The following EEA1 variants were observed in gnomAD, a reference collection of about 807,000 sequenced individuals.
EEA1 encodes early endosome antigen 1, 162kD.
EEA1 carries 111 observed loss-of-function variants against 209.2 expected under a neutral mutation model. The ratio of observed to expected loss-of-function variants is 0.53; its 90% confidence interval spans 0.45 to 0.62. The LOEUF (loss-of-function observed/expected upper bound fraction) is 0.62, where lower values mean the gene tolerates loss of function less well. EEA1 is among the 20% of genes least tolerant of loss of function. EEA1 has a pLI of 0.00. For missense variants in EEA1, 1,343 were observed against 1,530.8 expected, an observed-to-expected ratio of 0.88 and a Z score of 2.05; for synonymous variants, 536 against 540.6, an observed-to-expected ratio of 0.99 and a Z score of 0.12.
chr12:92,864,167 G>T (rs968928535), intron 3 of EEA1, among the ~76,000 whole-genome samples: 1 of 151,964 alleles, frequency 6.6e-6, no homozygotes, highest in Non-Finnish European at 1.5e-5. Context: ...AGTTTATATG[G>T]TTATCATATT....
Position 92,776,885 on chromosome 12 carries a change from A to C in EEA1, c.4072T>G (p.Cys1358Gly). 1 of 1,611,984 alleles carries C rather than the reference A, an allele frequency of 6.2e-7. No homozygotes were observed. Among genetic ancestry groups the C allele is most frequent in the Non-Finnish European group, 8.5e-7 (1 of 1,178,464 alleles). The change falls in exon 28 of 29, where the codon TGT becomes GGT. Residue 1358 changes from cysteine (C) to glycine (G), a missense_variant. Physicochemically the swap from Cys to Gly is radical, Grantham distance 159 (BLOSUM62 -3). Transcript: ENST00000322349. ...GAAAAGCCTTTCCCACAGGCCATAC[A>C]GTTTTGTACTTCATTGTCTTCGGCC... ...KWAEDNEVQN[C>G]MACGKGFSVT...
intron 1 of EEA1, among the ~76,000 whole-genome samples, chr12:92,924,680 C>T (rs1303549001): frequency 2.0e-5 from 3 of 151,922 alleles, no homozygotes; most frequent in African/African-American, 7.3e-5. Flanking sequence ...TTCTTAACTA[C>T]TAAATTACAT....
At chr12:92,850,551 G>A (rs1005673198) in intron 9 of EEA1, among the ~76,000 whole-genome samples, 12 of 151,792 alleles carry the variant, frequency 7.9e-5, no homozygotes, top group African/African-American at 2.2e-4. Context: ...TTAGCCAAGC[G>A]TGGTGGCAGG....
At chr12:92,884,709 G>C (rs1879307123) in intron 2 of EEA1, 1 of 1,437,414 alleles carries the variant, frequency 7.0e-7, no homozygotes, top group African/African-American at 1.4e-5. Flanking sequence ...TTTTAATTAG[G>C]AAACAAAGCT....
chr12:92,895,242 G>A (rs1775300762), intron 1 of EEA1, among the ~76,000 whole-genome samples: 2 of 139,594 alleles, frequency 1.4e-5, no homozygotes, highest in East Asian at 4.1e-4. Context: ...TGCAAGCTCC[G>A]CCTCCCAAGT....
At position 92,874,158 on chromosome 12, in the gene EEA1, C is replaced by CA. The variant is rs879453094; in HGVS notation, c.118-9172dup. Among the ~76,000 whole-genome samples, 965 of 141,546 alleles carry CA rather than the reference C, an allele frequency of 6.8e-3. 12 individuals are homozygous for CA. Among genetic ancestry groups the CA allele is most frequent in the African/African-American group, 0.023 (877 of 38,704 alleles). 92.9% of individuals were successfully genotyped at this position (141,546 alleles called of 152,430 possible). ...CAAATTCCCATCTCTACAAAAAATACAAAAAAAAAAAATTTAGCCAGGCAT... is the reference window on the plus strand; with the variant it reads ...CAAATTCCCATCTCTACAAAAAATACAAAAAAAAAAAAATTTAGCCAGGCAT... On this transcript the variant is annotated intron_variant, in intron 2 of 28. Coordinates refer to ENST00000322349, the MANE Select transcript of EEA1 (RefSeq NM_003566.4).
At chr12:92,818,070 G>A (rs867084320) in intron 14 of EEA1, among the ~76,000 whole-genome samples, 22 of 152,140 alleles carry the variant, frequency 1.4e-4, no homozygotes, top group African/African-American at 5.1e-4. Flanking sequence ...ACAAAACTTG[G>A]CATTGAACAA....
chr12:92,801,501 G>T, intron 20 of EEA1, 99 bp downstream of exon 20: 2 of 720,408 alleles, frequency 2.8e-6, no homozygotes, highest in Non-Finnish European at 2.1e-6. Flanking sequence ...ATTATCTGTG[G>T]AAATGCCCCC....
At position 92,858,770 on chromosome 12, in the gene EEA1, C is replaced by T. The variant is rs1051796715; in HGVS notation, c.246-1285G>A. The T allele has an allele frequency of 4.3e-5, 33 of 773,252 alleles. No individual in the cohort carries two copies. In the Middle Eastern group the frequency reaches 7.0e-4, roughly 16 times the overall value. The allele number at this position is 773,252 out of a possible 1,614,324, so 47.9% of individuals were successfully genotyped here. ...GCCCTAAAGGAGAAAGTCATCAAAG[C>T]CATTGTGCCTGCAAAATACCTTGAT... On this transcript the variant is annotated intron_variant, in intron 3 of 28. Transcript: ENST00000322349.
At chr12:92,854,144 G>A (rs1474671305) in intron 5 of EEA1, among the ~76,000 whole-genome samples, 190 bp from the exon 6 acceptor site, 3 of 152,144 alleles carry the variant, frequency 2.0e-5, no homozygotes, top group African/African-American at 4.8e-5. Context: ...CTAGCCTAAT[G>A]ATCTAACTTC....
chr12:92,770,924 G>A lies in EEA1; in HGVS notation c.*5087C>T, dbSNP rs1288950049. On this transcript the variant is annotated 3_prime_UTR_variant, in exon 29 of 29. Coordinates refer to ENST00000322349, the MANE Select transcript of EEA1 (RefSeq NM_003566.4). The stretch of plus-strand genomic sequence containing the variant: ...GTACAGATTTTCATAGACATAGTAA[G>A]GTATCTGTCTCTTAACTTTATTTTT... 3 of 151,728 alleles carry A rather than the reference G, an allele frequency of 2.0e-5. No homozygotes were observed. The highest frequency in any genetic ancestry group is 7.3e-5 in the African/African-American group (3 of 41,322). 9.4% of individuals were successfully genotyped at this position (151,728 alleles called of 1,614,324 possible). A position where few individuals can be genotyped will look rare whatever the true frequency, so the allele number is the denominator to read the frequency against.
At chr12:92,798,190 T>C (rs919143193) in intron 21 of EEA1, among the ~76,000 whole-genome samples, 3 of 152,164 alleles carry the variant, frequency 2.0e-5, no homozygotes, top group Admixed American at 2.0e-4. Context: ...TAAAACTATA[T>C]GAAGCTTTAC....
chr12:92,828,183 C>T, intron 11 of EEA1, 122 bp from the exon 12 acceptor site: 1 of 744,352 alleles, frequency 1.3e-6, no homozygotes, highest in Non-Finnish European at 1.9e-6. Context: ...TTTCGTGATA[C>T]TTTGGGGAAA....
rs1418368381 is a variant in EEA1 at position 92,829,038 on chromosome 12, A to G, written c.1255-977T>C. ...TAATTCTCATAATCTTTGGTATGAT[A>G]GATAGTACTTGCCTTATCCTCTCCA... On this transcript the variant is annotated intron_variant, in intron 11 of 28. Transcript: ENST00000322349. Among the ~76,000 whole-genome samples the G allele has an allele frequency of 9.9e-5, 15 of 152,244 alleles. 1 individual carries two copies. Among genetic ancestry groups the G allele is most frequent in the Admixed American group, 9.8e-4 (15 of 15,284 alleles).
chr12:92,926,805 G>A (rs1881233517), intron 1 of EEA1, among the ~76,000 whole-genome samples: 1 of 151,816 alleles, frequency 6.6e-6, no homozygotes, highest in Non-Finnish European at 1.5e-5. Context: ...CTTCTGAGCT[G>A]TGAATATGCC....
chr12:92,864,966 T>C lies in EEA1; in HGVS notation c.139A>G (p.Met47Val). 1.2e-6 allele frequency: 2 copies of C among 1,608,994 alleles called. No homozygotes were observed. The highest frequency in any genetic ancestry group is 3.4e-5 in the Admixed American group (2 of 59,308). Residue 47 changes from methionine (M) to valine (V), a missense_variant, in exon 3 of 29, where the codon ATG (methionine) becomes GTG (valine). Transcript: ENST00000322349. ...SSEGFICPQC[M>V]KSLGSADELF... is the part of the protein sequence containing the mutation. ...TCATCAGCAGATCCAAGAGATTTCA[T>C]ACACTGGGGACATATGAAACCCTAT...
At chr12:92,903,170 CTCGTGA>C (rs1880225484) in intron 1 of EEA1, among the ~76,000 whole-genome samples, 1 of 151,786 alleles carries the variant, frequency 6.6e-6, no homozygotes, top group Non-Finnish European at 1.5e-5. Context: ...ATCTCCTGAC[CTCGTGA>C]TCCGCCCACC....
chr12:92,881,303 T>G (rs561825598), intron 2 of EEA1, among the ~76,000 whole-genome samples: 52 of 152,092 alleles, frequency 3.4e-4, no homozygotes, highest in Non-Finnish European at 5.9e-4. Context: ...CCCAGCTACC[T>G]ACTCTACTCG....
In EEA1 at chr12:92,832,749, A is replaced by T; in HGVS notation, c.1017T>A (p.Leu339=). The T allele has an allele frequency of 6.2e-7, 1 of 1,613,982 alleles. No homozygotes were observed. Among genetic ancestry groups the T allele is most frequent in the Admixed American group, 1.7e-5 (1 of 60,020 alleles). ...GTTGACAATCTAGGTCTTTTTGATG[A>T]AGGGTTGCCTGAATATTCTTTTTAC... ...SVSKKNIQAT[L]HQKDLDCQQL... The change falls in exon 11 of 29, where the codon CTT becomes CTA. Residue 339 remains leucine (L), a synonymous_variant. Coordinates refer to ENST00000322349, the MANE Select transcript of EEA1 (RefSeq NM_003566.4).
Sources: allele counts gnomAD v4.1 joint callset (sites outside exome capture counted in the v4.1 genomes callset), GRCh38; gene constraint gnomAD v4.1.1; transcripts MANE v1.5; gene names NCBI Gene and HGNC (gene_info 2026-07-23, HGNC 2026-07-21).